The following IGF2R variants were observed in gnomAD, a reference collection of about 807,000 sequenced individuals.
IGF2R encodes the protein insulin like growth factor 2 receptor, also known as cation-independent mannose-6-phosphate receptor.
In IGF2R, 91 loss-of-function variants were observed where a neutral mutation model predicts 270.6. The ratio of observed to expected loss-of-function variants is 0.34; its 90% CI spans 0.28 to 0.40. IGF2R has a LOEUF of 0.40. IGF2R is among the 10% of genes least tolerant of loss of function. IGF2R has a pLI of 1.00. For synonymous variants in IGF2R, 1,316 were observed against 1,258.9 expected, an observed-to-expected ratio of 1.05 and a Z score of -0.96; for missense variants, 2,805 against 3,188.3, an observed-to-expected ratio of 0.88 and a Z score of 2.90.
At chr6:160,049,418 A>G (rs1046580491) in intron 18 of IGF2R, among the ~76,000 whole-genome samples, 24 of 152,174 alleles carry the variant, frequency 1.6e-4, no homozygotes, top group Non-Finnish European at 2.5e-4. Flanking sequence ...TTGAAGTTGA[A>G]CAGGGGGACA....
In IGF2R at chr6:160,080,112, GTTC is replaced by G. The variant is rs776929478; in HGVS notation, c.5687-8_5687-6del. ...GAGGCACAGCTGCCACACTGATAAT[GTTC>G]TTCTTCTTTCCAGAAACCGATGACG... On this transcript the variant is annotated splice_polypyrimidine_tract_variant and intron_variant, in intron 38 of 47. Transcript: ENST00000356956. The G allele has an allele frequency of 2.4e-5, 38 of 1,613,666 alleles. No individual in the cohort carries two copies. The highest frequency in any genetic ancestry group is 8.3e-5 in the Admixed American group (5 of 59,998).
At chr6:159,983,710 C>T (rs1443695258) in intron 1 of IGF2R, among the ~76,000 whole-genome samples, 1 of 152,148 alleles carries the variant, frequency 6.6e-6, no homozygotes, top group Non-Finnish European at 1.5e-5. Flanking sequence ...TGAGTTGTGT[C>T]ACTGTTGGAC....
chr6:160,060,767 TG>T, intron 23 of IGF2R, 50 bp downstream of exon 23: 2 of 1,569,620 alleles, frequency 1.3e-6, no homozygotes, highest in Non-Finnish European at 1.8e-6. Flanking sequence ...AGTCAGTGTG[TG>T]TGTGAGTGGA....
intron 45 of IGF2R, among the ~76,000 whole-genome samples, chr6:160,097,633 C>T (rs1350229071): frequency 6.6e-6 from 1 of 152,170 alleles, no homozygotes; most frequent in East Asian, 1.9e-4. Flanking sequence ...CCCGGCCTGG[C>T]CCACCATTTT....
At chr6:160,067,368 C>T (rs1778608343) in intron 29 of IGF2R, among the ~76,000 whole-genome samples, 1 of 151,930 alleles carries the variant, frequency 6.6e-6, no homozygotes, top group Admixed American at 6.6e-5. Context: ...CTGCCTCTGC[C>T]CCCCGAACTT....
chr6:160,084,780 CG>C lies in IGF2R; in HGVS notation c.6069-214del, dbSNP rs371155062. On this transcript the variant is annotated intron_variant, in intron 40 of 47. Coordinates refer to ENST00000356956, the MANE Select transcript of IGF2R (RefSeq NM_000876.4). The surrounding 1 kb of genome is among the most constrained non-coding windows in gnomAD (Gnocchi z 4.6). ...CCGCAGGTGTGGACATTCCACTCCG[CG>C]TGTGTCTGGTTGGTGAGCTCCCTTC... Among the ~76,000 whole-genome samples, 3 of 152,114 alleles carry C rather than the reference CG, an allele frequency of 2.0e-5. No individual in the cohort carries two copies. Among genetic ancestry groups the C allele is most frequent in the African/African-American group, 7.2e-5 (3 of 41,490 alleles).
chr6:160,039,521 C>T (rs1488427282), intron 10 of IGF2R, among the ~76,000 whole-genome samples: 2 of 152,168 alleles, frequency 1.3e-5, no homozygotes, highest in African/African-American at 4.8e-5. Context: ...GCCGCTGTGG[C>T]TGGTATTATA....
chr6:160,090,234 C>G, intron 44 of IGF2R, 131 bp downstream of exon 44: 1 of 582,134 alleles, frequency 1.7e-6, no homozygotes, highest in Non-Finnish European at 2.8e-6. Context: ...TAATTCTTTA[C>G]TTTGTTATGA....
chr6:160,031,787 C>T (rs1024631487), intron 7 of IGF2R, among the ~76,000 whole-genome samples: 6 of 152,166 alleles, frequency 3.9e-5, no homozygotes, highest in African/African-American at 9.7e-5. Context: ...TGAGTATTTA[C>T]GGAATGAATG....
At chr6:160,038,957 G>A (rs1174843644) in intron 10 of IGF2R, among the ~76,000 whole-genome samples, 1 of 152,214 alleles carries the variant, frequency 6.6e-6, no homozygotes, top group African/African-American at 2.4e-5. Flanking sequence ...CTAGTTTTTA[G>A]TTATGAAACC....
chr6:160,008,001 C>T (rs753707335), intron 2 of IGF2R, among the ~76,000 whole-genome samples: 4 of 152,062 alleles, frequency 2.6e-5, no homozygotes, highest in Non-Finnish European at 5.9e-5. Flanking sequence ...TTCCCTAGGC[C>T]ACATTGGAAG....
At chr6:160,104,472 G>T (rs1004003018) in intron 47 of IGF2R, among the ~76,000 whole-genome samples, 7 of 151,916 alleles carry the variant, frequency 4.6e-5, no homozygotes, top group Non-Finnish European at 7.4e-5. Context: ...TCCTGCCTTG[G>T]TGCAGTCTCA....
At chr6:159,999,921 A>G (rs933772394) in intron 2 of IGF2R, among the ~76,000 whole-genome samples, 2 of 152,244 alleles carry the variant, frequency 1.3e-5, no homozygotes, top group Admixed American at 1.3e-4. Context: ...GAGAAGAGGA[A>G]CATTTCTTAT....
At chr6:160,035,706 G>A (rs939460957) in intron 10 of IGF2R, among the ~76,000 whole-genome samples, 4 of 152,218 alleles carry the variant, frequency 2.6e-5, no homozygotes, top group Non-Finnish European at 5.9e-5. Context: ...GCTGGAGGGT[G>A]TTGTGAGGAT....
chr6:160,035,717 A>G (rs73781820), intron 10 of IGF2R, among the ~76,000 whole-genome samples: 2,619 of 152,326 alleles, frequency 0.017, 79 homozygotes, highest in African/African-American at 0.06. Flanking sequence ...TTGTGAGGAT[A>G]GATGGCTCTC....
In IGF2R at chr6:160,079,780, C is replaced by T. The variant is rs8191906; in HGVS notation, c.5679C>T (p.Cys1893=). 970 of 1,446,078 alleles carry T rather than the reference C, an allele frequency of 6.7e-4. 8 individuals are homozygous for T. In the African/African-American group the frequency reaches 0.013, roughly 19 times the overall value. The allele number at this position is 1,446,078 out of a possible 1,614,324, so 89.6% of individuals were successfully genotyped here. A position where few individuals can be genotyped will look rare whatever the true frequency, so the allele number is the denominator to read the frequency against. ...VVLSYVNGDR[C]PPETDDGVPC... is the part of the protein sequence containing the mutation. ...TAAGTTACGTGAATGGTGATCGTTG[C>T]CCTCCAGGTAAATATTTGCAATGAG... The change falls in exon 38 of 48, where the codon TGC becomes TGT. Residue 1893 remains cysteine (C), a synonymous_variant. Coordinates refer to ENST00000356956, the MANE Select transcript of IGF2R (RefSeq NM_000876.4).
At chr6:160,014,512 G>A (rs766832564) in intron 4 of IGF2R, among the ~76,000 whole-genome samples, 1 of 152,196 alleles carries the variant, frequency 6.6e-6, no homozygotes, top group African/African-American at 2.4e-5. Flanking sequence ...TACCTGCCCC[G>A]AGCAGGGTGC....
chr6:160,048,092 C>T (rs1170638371), intron 17 of IGF2R, among the ~76,000 whole-genome samples, 185 bp downstream of exon 17: 1 of 152,182 alleles, frequency 6.6e-6, no homozygotes, highest in Non-Finnish European at 1.5e-5. Context: ...GGGATAGCAA[C>T]CAGTCTTGGC....
rs142836723 is a variant in IGF2R at position 160,053,113 on chromosome 6, G to A, written c.2694+2461G>A. On this transcript the variant is annotated intron_variant, in intron 19 of 47. Coordinates refer to ENST00000356956, the MANE Select transcript of IGF2R (RefSeq NM_000876.4). ...TAATTAAACTAAAGACCTTCTGCAC[G>A]GCAAAAGAAGCATGGATGAAGCTGG... is the stretch of plus-strand genomic sequence containing the variant. Among the ~76,000 whole-genome samples the A allele has an allele frequency of 3.3e-3, 495 of 152,174 alleles. 5 individuals are homozygous for A. The highest frequency in any genetic ancestry group is 0.012 in the African/African-American group (483 of 41,534).
Sources: gnomAD v4.1 joint callset for allele counts (sites outside exome capture counted in the v4.1 genomes callset) on GRCh38, gnomAD v4.1.1 for gene constraint, Gnocchi (gnomAD v3.1) non-coding constraint, MANE v1.5 for transcripts, NCBI Gene and HGNC (gene_info 2026-07-23, HGNC 2026-07-21) for gene names.